Variants in SYN3 observed in about 807,000 individuals in gnomAD.
SYN3 encodes the protein synapsin III.
Under a neutral mutation model 65.8 loss-of-function variants are expected in SYN3, and 35 were observed. The observed-to-expected ratio is 0.53, with a 90% confidence interval of 0.41 to 0.70. The LOEUF is 0.70. Among genes scored for constraint, SYN3 ranks in the 30% least tolerant of loss-of-function variants. The pLI is 0.00. For missense variants in SYN3, 680 were observed against 749.0 expected, an observed-to-expected ratio of 0.91 and a Z score of 1.08; for synonymous variants, 270 against 292.9, an observed-to-expected ratio of 0.92 and a Z score of 0.80.
intron 1 of SYN3, among the ~76,000 whole-genome samples, chr22:33,055,376 G>C (rs999416960): frequency 6.6e-6 from 1 of 152,118 alleles, no homozygotes; most frequent in Non-Finnish European, 1.5e-5. Context: ...TCCACCTCGC[G>C]GTCTTTGAAT....
chr22:32,845,500 T>C (rs941715825), intron 6 of SYN3, among the ~76,000 whole-genome samples: 5 of 152,124 alleles, frequency 3.3e-5, no homozygotes, highest in African/African-American at 1.2e-4. Flanking sequence ...AGCCATAAAC[T>C]TTTAAACCTT....
intron 6 of SYN3, among the ~76,000 whole-genome samples, chr22:32,679,839 CTTT>C (rs747116076): frequency 2.0e-4 from 8 of 39,152 alleles, no homozygotes; most frequent in East Asian, 9.0e-4. Flanking sequence ...TGTTTTTTGG[CTTT>C]TTTTTTTTTT....
rs2057665174 is a variant in SYN3, at chr22:32,509,281, C to T, written c.*4411G>A. On this transcript the variant is annotated 3_prime_UTR_variant, in exon 14 of 14. Transcript: ENST00000358763. ...ATAGGTCTTTGTTGTGTTTCAGCTTCCCCGAGTCAGCTTGGAGGGAAAATG... is the reference window on the plus strand; with the variant it reads ...ATAGGTCTTTGTTGTGTTTCAGCTTTCCCGAGTCAGCTTGGAGGGAAAATG... Among the ~76,000 whole-genome samples the T allele has an allele frequency of 1.3e-5, 2 of 152,186 alleles. No individual in the cohort carries two copies. Among genetic ancestry groups the T allele is most frequent in the Admixed American group, 6.5e-5 (1 of 15,280 alleles).
At chr22:32,734,154 T>C (rs2147353217) in intron 6 of SYN3, among the ~76,000 whole-genome samples, 1 of 152,274 alleles carries the variant, frequency 6.6e-6, no homozygotes, top group African/African-American at 2.4e-5. Context: ...ATCTGGTGTC[T>C]GAGTGTCAGC....
chr22:32,513,893 C>T, intron 13 of SYN3, 69 bp from the exon 14 acceptor site: 1 of 1,593,036 alleles, frequency 6.3e-7, no homozygotes, highest in Non-Finnish European at 8.6e-7. Flanking sequence ...GTCTTGGGGG[C>T]TTGCCTGTAA....
chr22:32,829,538 G>A (rs1262353798), intron 6 of SYN3, among the ~76,000 whole-genome samples: 2 of 152,240 alleles, frequency 1.3e-5, no homozygotes, highest in Admixed American at 1.3e-4. Flanking sequence ...CACCGCAGCA[G>A]GGCTGCCCGC....
intron 4 of SYN3, among the ~76,000 whole-genome samples, chr22:32,911,426 T>A (rs1275895139): frequency 1.3e-5 from 2 of 152,184 alleles, no homozygotes; most frequent in African/African-American, 4.8e-5. Flanking sequence ...TGCAACCTTA[T>A]CCAGCCATCT....
intron 3 of SYN3, among the ~76,000 whole-genome samples, chr22:32,971,511 T>C (rs997593338): frequency 1.3e-5 from 2 of 152,150 alleles, no homozygotes; most frequent in African/African-American, 4.8e-5. Context: ...CACCAAGCTC[T>C]GGTGAATTTC....
At chr22:33,038,679 A>C (rs9607005) in intron 1 of SYN3, among the ~76,000 whole-genome samples, 27,549 of 152,140 alleles carry the variant, frequency 0.18, 2,824 homozygotes, top group East Asian at 0.41. Context: ...AAAGAGGCAG[A>C]CAGGAGTGGA....
intron 13 of SYN3, among the ~76,000 whole-genome samples, chr22:32,517,749 T>C (rs1273097719): frequency 6.6e-6 from 1 of 151,946 alleles, no homozygotes; most frequent in Non-Finnish European, 1.5e-5. Flanking sequence ...ACAAAGAGAA[T>C]GATTGTTTTC....
chr22:32,937,572 A>T (rs1220790255), intron 3 of SYN3, among the ~76,000 whole-genome samples: 1 of 152,182 alleles, frequency 6.6e-6, no homozygotes. Context: ...CAAAGGGGGA[A>T]GTGCTACACA....
intron 6 of SYN3, among the ~76,000 whole-genome samples, chr22:32,781,017 TTCTCTCTC>T (rs200911798): frequency 7.5e-6 from 1 of 134,056 alleles, no homozygotes; most frequent in Non-Finnish European, 1.6e-5. Context: ...CTTTCTTTCT[TTCTCTCTC>T]TCTTTTTTCT....
intron 10 of SYN3, among the ~76,000 whole-genome samples, 173 bp downstream of exon 10, chr22:32,533,620 G>A (rs545214001): frequency 6.6e-6 from 1 of 152,274 alleles, no homozygotes; most frequent in East Asian, 1.9e-4. Flanking sequence ...GAAGCCTTTC[G>A]ATGCCTCTGA....
chr22:32,896,711 T>C (rs1292263267), intron 4 of SYN3, among the ~76,000 whole-genome samples: 1 of 152,168 alleles, frequency 6.6e-6, no homozygotes, highest in Non-Finnish European at 1.5e-5. Context: ...TCTAACAACT[T>C]TGTGAAGAAA....
At chr22:33,051,585 A>C (rs1382666074) in intron 1 of SYN3, among the ~76,000 whole-genome samples, 1 of 152,110 alleles carries the variant, frequency 6.6e-6, no homozygotes, top group African/African-American at 2.4e-5. Context: ...AATCACAGTT[A>C]CACTATCCAT....
intron 6 of SYN3, among the ~76,000 whole-genome samples, chr22:32,755,019 G>C (rs1338194776): frequency 1.3e-5 from 2 of 151,920 alleles, no homozygotes; most frequent in East Asian, 3.9e-4. Context: ...ACAACTCCAA[G>C]TCCTTCCCTC....
intron 6 of SYN3, among the ~76,000 whole-genome samples, chr22:32,656,984 G>A (rs1341904331): frequency 6.6e-6 from 1 of 152,140 alleles, no homozygotes; most frequent in Non-Finnish European, 1.5e-5. Flanking sequence ...CTGGCAAGGT[G>A]GGTGGGGAGC....
chr22:32,993,787 C>T (rs1437898761), intron 2 of SYN3, among the ~76,000 whole-genome samples: 2 of 152,192 alleles, frequency 1.3e-5, no homozygotes, highest in Non-Finnish European at 2.9e-5. Context: ...ATAGGAGAAA[C>T]AGAGGCCAGA....
chr22:32,726,256 C>A (rs890982327), intron 6 of SYN3, among the ~76,000 whole-genome samples: 1 of 152,172 alleles, frequency 6.6e-6, no homozygotes. Context: ...GATTCTCTTG[C>A]CTCAGCTTCC....
Sources: gnomAD v4.1 joint callset for allele counts (sites outside exome capture counted in the v4.1 genomes callset) on GRCh38, gnomAD v4.1.1 for gene constraint, MANE v1.5 for transcripts, NCBI Gene and HGNC (gene_info 2026-07-23, HGNC 2026-07-21) for gene names.